Variants in ADAMTS10 observed in about 807,000 individuals in gnomAD.
ADAMTS10 encodes A disintegrin and metalloproteinase with thrombospondin motifs 10.
Under a neutral mutation model 135.9 loss-of-function variants are expected in ADAMTS10, and 48 were observed. That is an observed-to-expected ratio of 0.35 (90% CI 0.28 to 0.45). The LOEUF (loss-of-function observed/expected upper bound fraction) is 0.45, where lower values mean the gene tolerates loss of function less well. Ranked by LOEUF, ADAMTS10 falls within the 20% of genes least tolerant of loss-of-function variation. The pLI is 1.00. For missense variants in ADAMTS10, 1,131 were observed against 1,565.2 expected (o/e 0.72, Z 4.68); for synonymous variants, 621 against 647.5 (o/e 0.96, Z 0.62).
chr19:8,602,617 G>C (rs1185745425), intron 5 of ADAMTS10, among the ~76,000 whole-genome samples: 2 of 151,982 alleles, frequency 1.3e-5, no homozygotes, highest in Admixed American at 6.6e-5. Flanking sequence ...CACTGTGCCT[G>C]ACCCTGATTT....
Position 8,596,723 on chromosome 19 carries a change from G to T in ADAMTS10, c.1041-138C>A. The T allele has an allele frequency of 8.7e-7, 1 of 1,145,268 alleles. No homozygotes were observed. The highest frequency in any genetic ancestry group is 1.4e-5 in the South Asian group (1 of 69,796). The allele number at this position is 1,145,268 out of a possible 1,614,324, so 70.9% of individuals were successfully genotyped here. A position where few individuals can be genotyped will look rare whatever the true frequency, so the allele number is the denominator to read the frequency against. On this transcript the variant is annotated intron_variant, in intron 8 of 25. Transcript: ENST00000597188. The surrounding 1 kb of genome is among the most constrained non-coding windows in gnomAD (Gnocchi z 7.2). ...CTCACCTGAAGCTGCATACAGGAGT[G>T]ACTGACCACATGAATGAATGAATGC...
In ADAMTS10 at chr19:8,597,150, G is replaced by A; in HGVS notation, c.895-18C>T. The A allele has an allele frequency of 6.2e-7, 1 of 1,614,180 alleles. No homozygotes were observed. The highest frequency in any genetic ancestry group is 1.1e-5 in the South Asian group (1 of 91,086). ...AGAGTGGGCTGGGGATGGACAGAGG[G>A]AAATGCATGGGCACCCACCACCCAG... On this transcript the variant is annotated intron_variant, in intron 7 of 25. Coordinates refer to ENST00000597188, the MANE Select transcript of ADAMTS10 (RefSeq NM_030957.4).
Position 8,585,569 on chromosome 19 carries a change from C to T in ADAMTS10, c.2752G>A (p.Ala918Thr), listed in dbSNP as rs1274156580. 1.9e-6 allele frequency: 3 copies of T among 1,604,492 alleles called. No homozygotes were observed. In the African/African-American group the frequency reaches 4.0e-5, roughly 21 times the overall value. The change falls in exon 23 of 26, where the codon GCG becomes ACG. Residue 918 changes from alanine (A) to threonine (T), a missense_variant. Around this residue, in one of 3 missense-constraint regions of ADAMTS10, gnomAD observed 745 missense variants for 1,056.3 expected, o/e 0.71. Coordinates refer to ENST00000597188, the MANE Select transcript of ADAMTS10 (RefSeq NM_030957.4). Reference protein sequence around the residue: ...SVVCQRRVSAAEEKALDDSAC... With the variant: ...SVVCQRRVSATEEKALDDSAC... ...CTGTCGTCCAGCGCCTTCTCCTCCG[C>T]GGCAGAGACGCGGCGCTGGCACACG...
rs782617164 is a variant in ADAMTS10, at chr19:8,603,793, G to T, written c.527C>A (p.Pro176Gln). The T allele has an allele frequency of 1.4e-5, 23 of 1,614,136 alleles. No individual in the cohort carries two copies. Among genetic ancestry groups the T allele is most frequent in the Middle Eastern group, 1.6e-4 (1 of 6,062 alleles). Residue 176 changes from proline (P) to glutamine (Q), a missense_variant, in exon 5 of 26, where the codon CCA becomes CAA. By Grantham distance (76) the Pro-to-Gln change is moderately conservative. Transcript: ENST00000597188. ...AGAGGAACGCTTGTACACCACATGT[G>T]GTCCACTTTCCTCCGGGCTCCGAGA... ...KGSRSPEESG[P>Q]HVVYKRSSLR... is the part of the protein sequence containing the mutation.
Position 8,605,924 on chromosome 19 carries a change from T to G in ADAMTS10, c.-99-115A>C. The G allele has an allele frequency of 9.7e-7, 1 of 1,034,302 alleles. No homozygotes were observed. The allele number at this position is 1,034,302 out of a possible 1,614,324, so 64.1% of individuals were successfully genotyped here. A position where few individuals can be genotyped will look rare whatever the true frequency, so the allele number is the denominator to read the frequency against. On this transcript the variant is annotated intron_variant, in intron 2 of 25. Transcript: ENST00000597188. The surrounding 1 kb of genome is among the most constrained non-coding windows in gnomAD (Gnocchi z 7.7). Reference sequence around the variant, plus strand: ...TGACTCTGAAGATTCTGAATGCATTTTCTCACTCAGTCACTCCCCTCTCCC... The same window carrying G: ...TGACTCTGAAGATTCTGAATGCATTGTCTCACTCAGTCACTCCCCTCTCCC...
chr19:8,607,315 T>G (rs1300333269), intron 2 of ADAMTS10, among the ~76,000 whole-genome samples: 6 of 152,276 alleles, frequency 3.9e-5, no homozygotes, highest in African/African-American at 1.2e-4. Flanking sequence ...TTCTCTGCAC[T>G]GGGTAGCACT....
intron 18 of ADAMTS10, among the ~76,000 whole-genome samples, chr19:8,587,930 C>CA (rs34536913): frequency 0.24 from 21,458 of 90,650 alleles, 2,718 homozygotes; most frequent in Non-Finnish European, 0.32. Context: ...GACCCCATCT[C>CA]AAAAAAAAAA....
intron 18 of ADAMTS10, among the ~76,000 whole-genome samples, chr19:8,587,304 G>A (rs1157572611): frequency 6.9e-6 from 1 of 145,954 alleles, no homozygotes; most frequent in Non-Finnish European, 1.5e-5. Flanking sequence ...CTACAGGCGT[G>A]AGCCACCACA....
chr19:8,601,256 G>A lies in ADAMTS10; in HGVS notation c.593-111C>T. On this transcript the variant is annotated intron_variant, in intron 5 of 25. Coordinates refer to ENST00000597188, the MANE Select transcript of ADAMTS10 (RefSeq NM_030957.4). The surrounding 1 kb of genome is among the most constrained non-coding windows in gnomAD (Gnocchi z 4.6). ...GGCTACCTCTCTACCCAACAGTCTG[G>A]ACAGACAATTTCTGGTCATTCTGCT... 8.2e-7 allele frequency: 1 copy of A among 1,225,892 alleles called. No homozygotes were observed. The highest frequency in any genetic ancestry group is 1.2e-6 in the Non-Finnish European group (1 of 864,700). The allele number at this position is 1,225,892 out of a possible 1,614,324, so 75.9% of individuals were successfully genotyped here. A position where few individuals can be genotyped will look rare whatever the true frequency, so the allele number is the denominator to read the frequency against.
Position 8,589,527 on chromosome 19 carries a change from C to T in ADAMTS10, c.1959G>A (p.Glu653=). The change falls in exon 17 of 26, where the codon GAG becomes GAA. Residue 653 remains glutamate (E), a synonymous_variant. Coordinates refer to ENST00000597188, the MANE Select transcript of ADAMTS10 (RefSeq NM_030957.4). ...CLAEGFNFYT[E]RAAAVVDGTP... ...TCCCGTCCACCACGGCTGCCGCCCT[C>T]TCCGTGTAGAAGTTGAAGCCTTCCG... 1 of 1,613,550 alleles carries T rather than the reference C, an allele frequency of 6.2e-7. No homozygotes were observed. Among genetic ancestry groups the T allele is most frequent in the Non-Finnish European group, 8.5e-7 (1 of 1,179,978 alleles).
At position 8,584,828 on chromosome 19, in the gene ADAMTS10, C is replaced by T. The variant is rs2042401195; in HGVS notation, c.3202+67G>A. On this transcript the variant is annotated intron_variant, in intron 25 of 25. Coordinates refer to ENST00000597188, the MANE Select transcript of ADAMTS10 (RefSeq NM_030957.4). ...AAGTTCTAGGATGAAGTCAGGACCC[C>T]CAATGCCCTCTGTGGCTGCCTCTGG... The T allele has an allele frequency of 1.8e-5, 27 of 1,540,510 alleles. No individual in the cohort carries two copies. In the South Asian group the frequency reaches 3.2e-4, roughly 18 times the overall value.
intron 12 of ADAMTS10, among the ~76,000 whole-genome samples, chr19:8,594,057 C>G (rs2146074842): frequency 6.6e-6 from 1 of 152,338 alleles, no homozygotes; most frequent in East Asian, 1.9e-4. Flanking sequence ...AAAACTCAGA[C>G]TGTGTCCTCT....
At chr19:8,604,904 TA>T (rs2042702501) in intron 4 of ADAMTS10, 107 bp downstream of exon 4, 4 of 1,289,616 alleles carry the variant, frequency 3.1e-6, no homozygotes, top group Admixed American at 2.0e-5. Context: ...TCAAAACACT[TA>T]AAAAACATCC....
chr19:8,605,868 CCAAGGCCAAT>C lies in ADAMTS10; in HGVS notation c.-99-69_-99-60del. ...GTCCCGCTGTCCAGCACAACCAATGCCAAGGCCAATCATGGCCAAAGCTTTTCACCTGACT... is the reference window on the plus strand; with the variant it reads ...GTCCCGCTGTCCAGCACAACCAATGCCATGGCCAAAGCTTTTCACCTGACT... On this transcript the variant is annotated intron_variant, in intron 2 of 25. Transcript: ENST00000597188. The surrounding 1 kb of genome is among the most constrained non-coding windows in gnomAD (Gnocchi z 7.7). 1.4e-6 allele frequency: 2 copies of C among 1,418,810 alleles called. No homozygotes were observed. Among genetic ancestry groups the C allele is most frequent in the Non-Finnish European group, 1.9e-6 (2 of 1,079,996 alleles). 87.9% of individuals were successfully genotyped at this position (1,418,810 alleles called of 1,614,324 possible).
intron 6 of ADAMTS10, among the ~76,000 whole-genome samples, chr19:8,600,689 G>GCT (rs1568404473): frequency 3.3e-5 from 5 of 151,830 alleles, no homozygotes; most frequent in Admixed American, 1.3e-4. Flanking sequence ...TAGTAGAGAT[G>GCT]GGGTTTCACC....
chr19:8,592,701 T>A, intron 13 of ADAMTS10, 62 bp downstream of exon 13: 2 of 1,497,814 alleles, frequency 1.3e-6, no homozygotes, highest in African/African-American at 2.7e-5. Context: ...CGGGTAGGCG[T>A]GGCCAACGCG....
chr19:8,601,083 G>T lies in ADAMTS10; in HGVS notation c.655C>A (p.Pro219Thr). Residue 219 changes from proline to threonine, a missense_variant, in exon 6 of 26, where the codon CCC becomes ACC. By Grantham distance (38) the Pro-to-Thr change is conservative. Transcript: ENST00000597188. This position sits in a 1 kb window ranked among gnomAD's most constrained non-coding sequence, Gnocchi z 4.6. ...LRTLKPPPAR[P>T]LGNETERGQP... ...CCACGCTCTGTTTCATTCCCCAGGG[G>T]CCTGGCAGGCGGTGGCTTCAAGGTC... The T allele has an allele frequency of 6.2e-7, 1 of 1,614,044 alleles. No homozygotes were observed. The highest frequency in any genetic ancestry group is 8.5e-7 in the Non-Finnish European group (1 of 1,180,038).
In ADAMTS10 at chr19:8,592,104, C is replaced by T; in HGVS notation, c.1588-1G>A. On this transcript the variant is annotated splice_acceptor_variant, in intron 13 of 25. Transcript: ENST00000597188. LOFTEE classifies it high-confidence loss of function. ...GGACACAGACCCGTTTGTAGCACCA[C>T]TGGGTGGGGGGAGACAGGAAGGAGT... 6.2e-7 allele frequency: 1 copy of T among 1,613,700 alleles called. No individual in the cohort carries two copies. The highest frequency in any genetic ancestry group is 8.5e-7 in the Non-Finnish European group (1 of 1,180,012).
At position 8,595,775 on chromosome 19, in the gene ADAMTS10, T is replaced by C. The variant is rs368552790; in HGVS notation, c.1466A>G (p.Gln489Arg). The C allele has an allele frequency of 7.0e-7, 1 of 1,436,596 alleles. No homozygotes were observed. The highest frequency in any genetic ancestry group is 9.4e-7 in the Non-Finnish European group (1 of 1,065,898). 89.0% of individuals were successfully genotyped at this position (1,436,596 alleles called of 1,614,324 possible). ...CRFQHGVKSR[Q>R]CKYGEVCSEL... ...GACTCTCTCTACCCCGTATTTACACTGACGCGATTTGACTCCATGCTGAAA... is the reference window on the plus strand; with the variant it reads ...GACTCTCTCTACCCCGTATTTACACCGACGCGATTTGACTCCATGCTGAAA... The change falls in exon 12 of 26, where the codon CAG becomes CGG. Residue 489 changes from glutamine to arginine, a missense_variant. Around this residue, in one of 3 missense-constraint regions of ADAMTS10, gnomAD observed 745 missense variants for 1,056.3 expected, o/e 0.71. Transcript: ENST00000597188.
Sources: gnomAD v4.1 joint callset for allele counts (sites outside exome capture counted in the v4.1 genomes callset) on GRCh38, gnomAD v4.1.1 for gene constraint, gnomAD v4.1.1 regional missense constraint, Gnocchi (gnomAD v3.1) non-coding constraint, MANE v1.5 for transcripts, NCBI Gene and HGNC (gene_info 2026-07-23, HGNC 2026-07-21) for gene names.